The following PTOV1 variants were observed in gnomAD, a reference collection of about 807,000 sequenced individuals.
PTOV1 encodes the protein prostate tumor-overexpressed gene 1 protein.
PTOV1 carries 20 observed loss-of-function variants against 58.0 expected under a neutral mutation model. The observed-to-expected ratio is 0.34, with a 90% confidence interval of 0.24 to 0.50. The LOEUF is 0.50. Among genes scored for constraint, PTOV1 ranks in the 20% least tolerant of loss-of-function variants. The pLI is 0.98. For missense variants in PTOV1, 593 were observed against 565.4 expected (o/e 1.05, Z -0.50); for synonymous variants, 335 against 234.2 (o/e 1.43, Z -3.93).
intron 6 of PTOV1, 77 bp downstream of exon 6, chr19:49,857,207 GGT>G: frequency 6.4e-7 from 1 of 1,562,658 alleles, no homozygotes; most frequent in Admixed American, 1.7e-5. Context: ...AGCCAGACTT[GGT>G]GTGGGCGGAG....
At chr19:49,857,610 G>A (rs906819094) in intron 6 of PTOV1, 83 bp from the exon 7 acceptor site, 2 of 1,313,088 alleles carry the variant, frequency 1.5e-6, no homozygotes, top group Middle Eastern at 2.4e-4. Context: ...AAGGCTCGGA[G>A]GGAGGGATGG....
chr19:49,860,017 C>T lies in PTOV1; in HGVS notation c.1073C>T (p.Ser358Leu), dbSNP rs372052304. The T allele has an allele frequency of 6.7e-5, 108 of 1,614,060 alleles. No homozygotes were observed. Among genetic ancestry groups the T allele is most frequent in the Admixed American group, 1.0e-4 (6 of 60,010 alleles). The change falls in exon 11 of 12, where the codon TCG becomes TTG. Residue 358 changes from serine to leucine, a missense_variant. By Grantham distance (145) the Ser-to-Leu change is moderately radical (BLOSUM62 -2). Coordinates refer to ENST00000391842, the Ensembl canonical transcript of PTOV1. ...TGCGTGCACTTTTCCTACAAAGCAT[C>T]GTGTGAGATCCGCGTGCTTATGCTC...
chr19:49,857,606 C>A (rs568101863), intron 6 of PTOV1, 87 bp from the exon 7 acceptor site: 2 of 1,280,494 alleles, frequency 1.6e-6, no homozygotes, highest in Non-Finnish European at 2.2e-6. Flanking sequence ...GGCCAAGGCT[C>A]GGAGGGAGGG....
At chr19:49,857,850 CTG>C in intron 7 of PTOV1, 52 bp from the exon 8 acceptor site, 1 of 1,612,078 alleles carries the variant, frequency 6.2e-7, no homozygotes, top group African/African-American at 1.3e-5. Flanking sequence ...GGAGGGGACA[CTG>C]GCATTGGGGG....
chr19:49,858,876 A>T, intron 10 of PTOV1: 1 of 519,560 alleles, frequency 1.9e-6, no homozygotes, highest in African/African-American at 1.9e-5. Flanking sequence ...CTCCTCTGCC[A>T]CATCAGGGCT....
At chr19:49,858,514 A>G in intron 9 of PTOV1, 35 bp from the exon 10 acceptor site, 1 of 1,532,690 alleles carries the variant, frequency 6.5e-7, no homozygotes, top group Non-Finnish European at 8.9e-7. Context: ...GTGGTGGGAG[A>G]AGCCAGAGCT....
chr19:49,856,892 C>T lies in PTOV1; in HGVS notation c.559-83C>T, dbSNP rs527744572. 4.6e-6 allele frequency: 7 copies of T among 1,537,094 alleles called. No homozygotes were observed. In the East Asian group the frequency reaches 1.1e-4, roughly 25 times the overall value. On this transcript the variant is annotated intron_variant, in intron 5 of 11. Coordinates refer to ENST00000391842, the Ensembl canonical transcript of PTOV1. ...GTCCACCGATGATCTCCCTTCATCC[C>T]CTACAGGTGGGGCGGTCCAGGGTGG... is the stretch of plus-strand genomic sequence containing the variant.
upstream of PTOV1, chr19:49,851,044 C>G (rs1313318557): frequency 5.9e-6 from 9 of 1,512,654 alleles, no homozygotes; most frequent in African/African-American, 1.4e-5. Context: ...CCCGCAGGAC[C>G]GCCGAGCCCA....
exon 11 of PTOV1, chr19:49,860,116 G>A (rs540393991): frequency 2.0e-5 from 33 of 1,614,186 alleles, no homozygotes; most frequent in South Asian, 1.6e-4. Context: ...AACGGCATCC[G>A]GCGTGTCATT....
At chr19:49,851,299 A>T (rs2074233879) in exon 1 of PTOV1, 1 of 1,033,812 alleles carries the variant, frequency 9.7e-7, no homozygotes, top group African/African-American at 2.0e-5. Flanking sequence ...GGCCCGCGGC[A>T]GCTCCCCGCC....
rs764000568 is a variant in PTOV1 at position 49,854,749 on chromosome 19, G to A, written c.392+15G>A. 1.7e-5 allele frequency: 28 copies of A among 1,613,190 alleles called. No individual in the cohort carries two copies. The highest frequency in any genetic ancestry group is 8.3e-5 in the Admixed American group (5 of 60,004). On this transcript the variant is annotated intron_variant, in intron 3 of 11. Coordinates refer to ENST00000391842, the Ensembl canonical transcript of PTOV1. ...GGCGAGAACCTGTGAGTGCCGGGGC[G>A]TGGCAGCCAGGGCGGTGGCAGGGGC...
intron 10 of PTOV1, 111 bp from the exon 11 acceptor site, chr19:49,859,875 C>T (rs930825187): frequency 2.5e-5 from 30 of 1,196,972 alleles, no homozygotes; most frequent in Non-Finnish European, 3.4e-5. Context: ...GGTGTGAGGA[C>T]AGAGCAGTTA....
At chr19:49,854,767 G>T (rs1328578650) in intron 3 of PTOV1, 33 bp downstream of exon 3, 1 of 1,613,242 alleles carries the variant, frequency 6.2e-7, no homozygotes, top group Admixed American at 1.7e-5. Context: ...CAGGGCGGTG[G>T]CAGGGGCAGT....
exon 4 of PTOV1, chr19:49,854,867 G>A: frequency 6.2e-7 from 1 of 1,613,312 alleles, no homozygotes; most frequent in Non-Finnish European, 8.5e-7. Flanking sequence ...TGATCATGCA[G>A]CTGATCCCTC....
intron 1 of PTOV1, among the ~76,000 whole-genome samples, chr19:49,853,777 C>T (rs994422590): frequency 2.6e-5 from 4 of 152,234 alleles, no homozygotes; most frequent in Non-Finnish European, 5.9e-5. Context: ...ATGTTTCCCC[C>T]TTTTCCTCGC....
At chr19:49,854,720 C>T (rs1270273543) in exon 3 of PTOV1, 2 of 1,613,576 alleles carry the variant, frequency 1.2e-6, no homozygotes, top group African/African-American at 2.7e-5. Flanking sequence ...CCTACGTGAA[C>T]CAAGGCGAGA....
intron 9 of PTOV1, 143 bp downstream of exon 9, chr19:49,858,257 A>G: frequency 9.0e-7 from 1 of 1,116,440 alleles, no homozygotes; most frequent in Non-Finnish European, 1.3e-6. Flanking sequence ...TGTGGTGGGT[A>G]GCTCCTCAGG....
intron 4 of PTOV1, 41 bp downstream of exon 4, chr19:49,854,929 C>T (rs1374224023): frequency 6.2e-7 from 1 of 1,603,462 alleles, no homozygotes; most frequent in South Asian, 1.1e-5. Flanking sequence ...CTGAGCACCC[C>T]CATGCCTGGC....
Position 49,855,085 on chromosome 19 carries a change from G to A in PTOV1, c.558+8G>A. On this transcript the variant is annotated splice_region_variant and intron_variant, in intron 5 of 11. Transcript: ENST00000391842. ...ATCATGGGCAACGGCTTCGTGAGTG[G>A]GGCGGGCTCCCTTGTAGCACTGTGG... 2 of 1,578,646 alleles carry A rather than the reference G, an allele frequency of 1.3e-6. No individual in the cohort carries two copies. Among genetic ancestry groups the A allele is most frequent in the Non-Finnish European group, 1.7e-6 (2 of 1,160,692 alleles).
Sources: gnomAD v4.1 joint callset for allele counts (sites outside exome capture counted in the v4.1 genomes callset) on GRCh38, gnomAD v4.1.1 for gene constraint, MANE v1.5 for transcripts, NCBI Gene and HGNC (gene_info 2026-07-23, HGNC 2026-07-21) for gene names.